DPP4: variants seen among roughly 807,000 people sequenced by gnomAD.
DPP4 encodes the protein dipeptidyl peptidase 4, also known as ADCP-2.
DPP4 carries 93 observed loss-of-function variants against 122.4 expected under a neutral mutation model. The ratio of observed to expected loss-of-function variants is 0.76; its 90% CI spans 0.64 to 0.90. DPP4 has a LOEUF of 0.90. Among genes scored for constraint, DPP4 ranks in the 40% least tolerant of loss-of-function variants. The pLI, the probability that DPP4 is intolerant of heterozygous loss-of-function variation, is 0.00. For synonymous variants in DPP4, 321 were observed against 302.9 expected (o/e 1.06, Z -0.62); for missense variants, 914 against 907.3 (o/e 1.01, Z -0.09).
intron 5 of DPP4, among the ~76,000 whole-genome samples, chr2:162,045,026 T>C (rs1398945327): frequency 1.3e-5 from 2 of 151,488 alleles, no homozygotes; most frequent in African/African-American, 4.9e-5. Context: ...TGGCACAGTA[T>C]AGGTAACTGT....
chr2:162,051,019 C>T (rs1684364930), intron 2 of DPP4, among the ~76,000 whole-genome samples: 1 of 152,162 alleles, frequency 6.6e-6, no homozygotes, highest in African/African-American at 2.4e-5. Flanking sequence ...TCATATGTTA[C>T]CCATCAGCTT....
intron 2 of DPP4, among the ~76,000 whole-genome samples, chr2:162,048,206 G>A (rs1684256264): frequency 6.6e-6 from 1 of 152,118 alleles, no homozygotes; most frequent in South Asian, 2.1e-4. Context: ...CAGAATTTGT[G>A]TGTTTCTATA....
rs1683994957 is a variant in DPP4, at chr2:162,041,747, A to G, written c.367-2563T>C. Among the ~76,000 whole-genome samples, 5 of 152,146 alleles carry G rather than the reference A, an allele frequency of 3.3e-5. No homozygotes were observed. The South Asian group carries it at 1.0e-3, about 32-fold the overall frequency. ...CATGGGTTGTAAAAGAAAACCCATG[A>G]TGTTTGGTATGTTCACTTCATCTTT... On this transcript the variant is annotated intron_variant, in intron 5 of 25. Transcript: ENST00000360534.
At position 162,047,423 on chromosome 2, in the gene DPP4, T is replaced by C. The variant is rs756475707; in HGVS notation, c.173A>G (p.Tyr58Cys). The C allele has an allele frequency of 2.5e-6, 4 of 1,571,992 alleles. No individual in the cohort carries two copies. In the African/African-American group the frequency reaches 5.4e-5, roughly 21 times the overall value. The change falls in exon 3 of 26, where the codon TAC becomes TGC. Residue 58 changes from tyrosine to cysteine, a missense_variant. Tyr to Cys is a radical substitution (Grantham distance 194). Coordinates refer to ENST00000360534, the MANE Select transcript of DPP4 (RefSeq NM_001935.4). Reference protein sequence around the residue: ...YLKNTYRLKLYSLRWISDHEY... With the variant: ...YLKNTYRLKLCSLRWISDHEY... ...CTTACCTGAAATCCATCTTAAGGAG[T>C]ATAACTTCAGTCTATAAGTATTTTT...
Position 161,993,315 on chromosome 2 carries a change from G to A in DPP4, c.2269C>T (p.His757Tyr). Residue 757 changes from histidine to tyrosine, a missense_variant, in exon 26 of 26, where the codon CAC becomes TAC. Physicochemically the swap from His to Tyr is moderately conservative, Grantham distance 83. Transcript: ENST00000360534. ...AHQHIYTHMSHFIKQCFSLP is the reference protein window; with the variant it reads ...AHQHIYTHMSYFIKQCFSLP ...AAAGAGAAACATTGTTTTATGAAGT[G>A]GCTCATGTGGGTATATATATGTTGG... The A allele has an allele frequency of 6.2e-7, 1 of 1,613,464 alleles. No individual in the cohort carries two copies. Among genetic ancestry groups the A allele is most frequent in the Non-Finnish European group, 8.5e-7 (1 of 1,179,518 alleles).
At position 162,020,627 on chromosome 2, in the gene DPP4, T is replaced by C. The variant is rs766427803; in HGVS notation, c.1130A>G (p.Asn377Ser). Residue 377 changes from asparagine to serine, a missense_variant, in exon 13 of 26, where the codon AAT (asparagine) becomes AGT (serine). Transcript: ENST00000360534. ...GCAAATGTGTCTGTAACCTTCTTCA[T>C]TGCTGATGATCTTGTAGAAGCTATT... ...DGNSFYKIIS[N>S]EEGYRHICYF... 11 of 1,613,004 alleles carry C rather than the reference T, an allele frequency of 6.8e-6. No individual in the cohort carries two copies. The East Asian group carries it at 1.8e-4, about 26-fold the overall frequency.
chr2:162,054,989 T>C (rs1002928714), intron 2 of DPP4, among the ~76,000 whole-genome samples: 1 of 152,178 alleles, frequency 6.6e-6, no homozygotes, highest in Admixed American at 6.5e-5. Context: ...AAGCATATGT[T>C]AGGCAACCAG....
At chr2:162,036,971 T>A (rs565158402) in intron 8 of DPP4, among the ~76,000 whole-genome samples, 11 of 152,364 alleles carry the variant, frequency 7.2e-5, no homozygotes, top group African/African-American at 2.6e-4. Flanking sequence ...AAAATCAATA[T>A]AATCAGACCA....
intron 23 of DPP4, among the ~76,000 whole-genome samples, chr2:162,001,265 A>AT (rs1412517351): frequency 6.6e-6 from 1 of 152,200 alleles, no homozygotes; most frequent in Non-Finnish European, 1.5e-5. Flanking sequence ...ATGACTTGCC[A>AT]TAGAAGCACT....
At chr2:162,027,951 CA>C (rs1176278408) in intron 10 of DPP4, among the ~76,000 whole-genome samples, 1 of 151,994 alleles carries the variant, frequency 6.6e-6, no homozygotes, top group Non-Finnish European at 1.5e-5. Flanking sequence ...CAAGGCAGTT[CA>C]CCCGTGGCGC....
At chr2:161,995,555 G>T (rs910027025) in intron 23 of DPP4, among the ~76,000 whole-genome samples, 183 bp from the exon 24 acceptor site, 1 of 152,174 alleles carries the variant, frequency 6.6e-6, no homozygotes, top group Non-Finnish European at 1.5e-5. Context: ...CCCTGTGCCT[G>T]GGAGACAGGA....
intron 2 of DPP4, among the ~76,000 whole-genome samples, chr2:162,069,588 C>T (rs1685050890): frequency 6.6e-6 from 1 of 152,204 alleles, no homozygotes; most frequent in African/African-American, 2.4e-5. Context: ...GACTAACCTG[C>T]TGACCTCATG....
At chr2:162,032,978 T>C (rs933948738) in intron 10 of DPP4, among the ~76,000 whole-genome samples, 2 of 152,174 alleles carry the variant, frequency 1.3e-5, no homozygotes, top group African/African-American at 4.8e-5. Flanking sequence ...GGACCTGACC[T>C]TGTCCCTTCC....
At chr2:162,073,538 T>G (rs767190299) in intron 1 of DPP4, 52 bp from the exon 2 acceptor site, 14 of 1,580,774 alleles carry the variant, frequency 8.9e-6, no homozygotes, top group South Asian at 8.9e-5. Context: ...TGGCCCCAGT[T>G]TCCGTAGGAG....
chr2:162,014,358 C>A, intron 19 of DPP4, 38 bp downstream of exon 19: 2 of 1,532,888 alleles, frequency 1.3e-6, no homozygotes, highest in South Asian at 1.1e-5. Flanking sequence ...ATATATGACT[C>A]AATACTTCTA....
rs1559709956 is a variant in DPP4 at position 162,016,799 on chromosome 2, T to C, written c.1536A>G (p.Lys512=). ...KMLQNVQMPS[K]KLDFIILNET... ...CATTCAAAATAATGAAGTCCAGTTT[T>C]TTGGAGGGCATCTGGACATTCTGCA... The change falls in exon 18 of 26, where the codon AAA becomes AAG. Residue 512 remains lysine, a synonymous_variant. Transcript: ENST00000360534. 1.2e-6 allele frequency: 2 copies of C among 1,612,858 alleles called. No homozygotes were observed. Among genetic ancestry groups the C allele is most frequent in the Non-Finnish European group, 1.7e-6 (2 of 1,179,696 alleles).
At chr2:161,997,784 A>T (rs1701043724) in intron 23 of DPP4, among the ~76,000 whole-genome samples, 1 of 152,180 alleles carries the variant, frequency 6.6e-6, no homozygotes, top group South Asian at 2.1e-4. Flanking sequence ...ATAGGTCTAG[A>T]ACAATTCTCC....
At chr2:162,021,710 T>G (rs746266015) in intron 12 of DPP4, 1 of 152,368 alleles carries the variant, frequency 6.6e-6, no homozygotes, top group Admixed American at 6.5e-5. Flanking sequence ...TACATTTCCC[T>G]GTTTCCCCTG....
chr2:162,067,876 T>C (rs556974398), intron 2 of DPP4, among the ~76,000 whole-genome samples: 1 of 152,318 alleles, frequency 6.6e-6, no homozygotes, highest in African/African-American at 2.4e-5. Context: ...GGCATTTCTA[T>C]AAATTAGCCA....
Sources: gnomAD v4.1 joint callset for allele counts (sites outside exome capture counted in the v4.1 genomes callset) on GRCh38, gnomAD v4.1.1 for gene constraint, MANE v1.5 for transcripts, NCBI Gene and HGNC (gene_info 2026-07-23, HGNC 2026-07-21) for gene names.